The following INTS1 variants were observed in gnomAD, a reference collection of about 807,000 sequenced individuals.
INTS1 encodes integrator complex subunit 1.
Under a neutral mutation model 241.6 loss-of-function variants are expected in INTS1, and 137 were observed. That is an observed-to-expected ratio of 0.57 (90% CI 0.49 to 0.65). The LOEUF is 0.65. Among genes scored for constraint, INTS1 ranks in the 30% least tolerant of loss-of-function variants. The pLI, the probability that INTS1 is intolerant of heterozygous loss-of-function variation, is 0.00. For missense variants in INTS1, 3,073 were observed against 3,032.2 expected (o/e 1.01, Z -0.32); for synonymous variants, 1,692 against 1,337.8 (o/e 1.26, Z -5.78).
intron 33 of INTS1, 87 bp from the exon 34 acceptor site, chr7:1,478,023 G>A (rs1781804847): frequency 7.2e-6 from 8 of 1,112,002 alleles, no homozygotes; most frequent in Non-Finnish European, 1.1e-5. Context: ...GGTGGGGTGT[G>A]GGGTGAGCAT....
Position 1,470,630 on chromosome 7 carries a change from TG to T in INTS1, c.6519del (p.Ser2174AlafsTer8). ...FLVGMYGQMD[P>X]SAQISEALRI... ...CTCAGGGCCTCGGAGATCTGCGCGCTGGGGTCCATCTGGCCGTACATGCCCA... is the reference window on the plus strand; with the variant it reads ...CTCAGGGCCTCGGAGATCTGCGCGCTGGGTCCATCTGGCCGTACATGCCCA... On this transcript the variant is annotated frameshift_variant, in exon 48 of 48. Coordinates refer to ENST00000404767, the MANE Select transcript of INTS1 (RefSeq NM_001080453.3). LOFTEE classifies it high-confidence loss of function. The T allele has an allele frequency of 6.3e-7, 1 of 1,588,880 alleles. No homozygotes were observed. Among genetic ancestry groups the T allele is most frequent in the Non-Finnish European group, 8.6e-7 (1 of 1,168,672 alleles).
At position 1,493,651 on chromosome 7, in the gene INTS1, G is replaced by A. The variant is rs1782699307; in HGVS notation, c.2068+103C>T. On this transcript the variant is annotated intron_variant, in intron 15 of 47. Coordinates refer to ENST00000404767, the MANE Select transcript of INTS1 (RefSeq NM_001080453.3). This position sits in a 1 kb window ranked among gnomAD's most constrained non-coding sequence, Gnocchi z 5.3. ...CGGGGACCCAGGACCCAGCTGAAGC[G>A]CAGCTTTGTGGAGCGCCCCAGAGGT... 1.1e-5 allele frequency: 15 copies of A among 1,409,514 alleles called. No homozygotes were observed. Among genetic ancestry groups the A allele is most frequent in the East Asian group, 2.6e-5 (1 of 38,844 alleles). The allele number at this position is 1,409,514 out of a possible 1,614,324, so 87.3% of individuals were successfully genotyped here.
intron 43 of INTS1, 97 bp downstream of exon 43, chr7:1,472,975 G>C (rs1360141649): frequency 1.3e-6 from 1 of 750,782 alleles, no homozygotes; most frequent in African/African-American, 1.8e-5. Flanking sequence ...CCATCGGGAC[G>C]CCTCGGACGG....
chr7:1,487,589 G>A, intron 19 of INTS1, 140 bp from the exon 20 acceptor site: 1 of 1,294,634 alleles, frequency 7.7e-7, no homozygotes, highest in Non-Finnish European at 1.1e-6. Flanking sequence ...TGTCCCCAAG[G>A]CCTGGCCCCA....
intron 45 of INTS1, 33 bp downstream of exon 45, chr7:1,471,538 C>T: frequency 6.2e-7 from 1 of 1,606,578 alleles, no homozygotes. Flanking sequence ...GGAGTGGCTC[C>T]TCCCAGCTCT....
chr7:1,475,451 C>T (rs1781667892), intron 39 of INTS1, among the ~76,000 whole-genome samples: 1 of 152,070 alleles, frequency 6.6e-6, no homozygotes, highest in African/African-American at 2.4e-5. Context: ...TGAAAAAAAC[C>T]ACAAGCAGAA....
At chr7:1,491,225 C>T (rs936752303) in intron 16 of INTS1, among the ~76,000 whole-genome samples, 15 of 152,362 alleles carry the variant, frequency 9.8e-5, no homozygotes, top group Admixed American at 5.2e-4. Flanking sequence ...CGAAGATGAT[C>T]GGGCCTCCCC....
At chr7:1,475,747 CTG>C (rs1239774955) in intron 39 of INTS1, among the ~76,000 whole-genome samples, 199 bp downstream of exon 39, 7 of 152,378 alleles carry the variant, frequency 4.6e-5, no homozygotes, top group Non-Finnish European at 1.0e-4. Flanking sequence ...ACTCTCCAGA[CTG>C]TGCGAGCAGA....
At chr7:1,474,502 G>A (rs1007696054) in intron 40 of INTS1, 142 bp from the exon 41 acceptor site, 2 of 1,149,316 alleles carry the variant, frequency 1.7e-6, no homozygotes, top group Non-Finnish European at 2.4e-6. Context: ...AGGTGGGGAT[G>A]AGATCGCCCC....
Position 1,487,358 on chromosome 7 carries a change from G to T in INTS1, c.2608C>A (p.Arg870=). The change falls in exon 20 of 48, where the codon CGA becomes AGA. Residue 870 remains arginine, a synonymous_variant. Transcript: ENST00000404767. The part of the protein sequence containing the change: ...LRLGHLLCRS[R]NPDFLLHIIQ... Reference sequence around the variant, plus strand: ...ATGTGGAGGAGAAAGTCAGGGTTTCGGCTGCGGCACAAGAGGTGCCCGAGG... The same window carrying T: ...ATGTGGAGGAGAAAGTCAGGGTTTCTGCTGCGGCACAAGAGGTGCCCGAGG... 6.2e-7 allele frequency: 1 copy of T among 1,607,990 alleles called. No individual in the cohort carries two copies. The highest frequency in any genetic ancestry group is 1.3e-5 in the African/African-American group (1 of 75,010).
At chr7:1,480,669 G>A (rs1180077502) in intron 29 of INTS1, among the ~76,000 whole-genome samples, 166 bp downstream of exon 29, 2 of 152,178 alleles carry the variant, frequency 1.3e-5, no homozygotes, top group Non-Finnish European at 2.9e-5. Flanking sequence ...GCTGCCCAAA[G>A]ACAGGCTGAG....
chr7:1,499,076 C>T lies in INTS1; in HGVS notation c.1036G>A (p.Val346Ile), dbSNP rs375991894. ...QLNRRQPIDNVSRNLLRLLTS... is the reference protein window; with the variant it reads ...QLNRRQPIDNISRNLLRLLTS... ...AGGAGCCGCAGGAGGTTCCTGGAGACGTTGTCGATGGGCTGGCGCCGGTTC... is the reference window on the plus strand; with the variant it reads ...AGGAGCCGCAGGAGGTTCCTGGAGATGTTGTCGATGGGCTGGCGCCGGTTC... The change falls in exon 8 of 48, where the codon GTC becomes ATC. Residue 346 changes from valine to isoleucine, a missense_variant. Transcript: ENST00000404767. 2.5e-6 allele frequency: 4 copies of T among 1,608,480 alleles called. No individual in the cohort carries two copies. Among genetic ancestry groups the T allele is most frequent in the Non-Finnish European group, 3.4e-6 (4 of 1,178,614 alleles).
In INTS1 at chr7:1,484,176, G is replaced by T. The variant is rs757897671; in HGVS notation, c.3262-6C>A. ...ACGACCAGCCGGGCCACGTCCTGGT[G>T]TGTGGACAGGGGGGCGTCAGAGGCT... On this transcript the variant is annotated splice_polypyrimidine_tract_variant and splice_region_variant and intron_variant, in intron 24 of 47. Coordinates refer to ENST00000404767, the MANE Select transcript of INTS1 (RefSeq NM_001080453.3). The T allele has an allele frequency of 6.2e-7, 1 of 1,604,572 alleles. No individual in the cohort carries two copies. The highest frequency in any genetic ancestry group is 1.1e-5 in the South Asian group (1 of 90,874).
At chr7:1,483,322 G>C (rs1435189012) in intron 26 of INTS1, 2 of 323,390 alleles carry the variant, frequency 6.2e-6, no homozygotes, top group African/African-American at 2.1e-5. Context: ...GCGCTGGCCA[G>C]AGCGTCCTCA....
rs373109167 is a variant in INTS1 at position 1,498,799 on chromosome 7, C to G, written c.1191G>C (p.Thr397=). 5.0e-6 allele frequency: 8 copies of G among 1,603,276 alleles called. No individual in the cohort carries two copies. Among genetic ancestry groups the G allele is most frequent in the Non-Finnish European group, 6.8e-6 (8 of 1,175,346 alleles). ...LLMSVCMNCN[T]HGSEDMDVIS... is the part of the protein sequence containing the mutation. Reference sequence around the variant, plus strand: ...TGACGTCCATGTCTTCGGAACCGTGCGTGTTGCAGTTCATGCAGACGGACA... The same window carrying G: ...TGACGTCCATGTCTTCGGAACCGTGGGTGTTGCAGTTCATGCAGACGGACA... The change falls in exon 9 of 48, where the codon ACG becomes ACC. Residue 397 remains threonine (T), a synonymous_variant. Transcript: ENST00000404767.
intron 2 of INTS1, 40 bp from the exon 3 acceptor site, chr7:1,503,231 C>A (rs141408720): frequency 4.0e-6 from 6 of 1,508,948 alleles, no homozygotes; most frequent in Non-Finnish European, 5.3e-6. Context: ...ACATTTGCAA[C>A]ACCCAAGATG....
At position 1,481,037 on chromosome 7, in the gene INTS1, G is replaced by T; in HGVS notation, c.3851-104C>A. ...GTTGGAGATGCCCCCACCGTCACCA[G>T]CACTTCCCAAGGACTTCAGAAGCTG... On this transcript the variant is annotated intron_variant, in intron 28 of 47. Coordinates refer to ENST00000404767, the MANE Select transcript of INTS1 (RefSeq NM_001080453.3). The surrounding 1 kb of genome is among the most constrained non-coding windows in gnomAD (Gnocchi z 6.8). The T allele has an allele frequency of 1.2e-6, 1 of 838,676 alleles. No individual in the cohort carries two copies. Among genetic ancestry groups the T allele is most frequent in the Non-Finnish European group, 1.9e-6 (1 of 513,802 alleles). 52.0% of individuals were successfully genotyped at this position (838,676 alleles called of 1,614,324 possible). A position where few individuals can be genotyped will look rare whatever the true frequency, so the allele number is the denominator to read the frequency against.
In INTS1 at chr7:1,499,455, G is replaced by T. The variant is rs1239150369; in HGVS notation, c.844+18C>A. The T allele has an allele frequency of 6.3e-7, 1 of 1,578,610 alleles. No homozygotes were observed. The highest frequency in any genetic ancestry group is 8.6e-7 in the Non-Finnish European group (1 of 1,158,860). On this transcript the variant is annotated intron_variant, in intron 6 of 47. Transcript: ENST00000404767. ...GGGGCTTGGACACCCGCCCTCTCTG[G>T]CTGGCCGTGTGTCTCACCTGCACCC...
chr7:1,500,157 G>A lies in INTS1; in HGVS notation c.546+13C>T. 5.1e-6 allele frequency: 8 copies of A among 1,582,122 alleles called. No individual in the cohort carries two copies. The highest frequency in any genetic ancestry group is 2.3e-5 in the South Asian group (2 of 88,676). On this transcript the variant is annotated intron_variant, in intron 4 of 47. Coordinates refer to ENST00000404767, the MANE Select transcript of INTS1 (RefSeq NM_001080453.3). ...CAGCGCTGCTCGCCTCCTGCCAGGGGCCCGGCTCAAACCTCAATGACGCCC... is the reference window on the plus strand; with the variant it reads ...CAGCGCTGCTCGCCTCCTGCCAGGGACCCGGCTCAAACCTCAATGACGCCC...
Sources: gnomAD v4.1 joint callset for allele counts (sites outside exome capture counted in the v4.1 genomes callset) on GRCh38, gnomAD v4.1.1 for gene constraint, Gnocchi (gnomAD v3.1) non-coding constraint, MANE v1.5 for transcripts, NCBI Gene and HGNC (gene_info 2026-07-23, HGNC 2026-07-21) for gene names.